Variants in PTPRD observed in about 807,000 individuals in gnomAD.
PTPRD encodes protein tyrosine phosphatase receptor type D.
Under a neutral mutation model 214.5 loss-of-function variants are expected in PTPRD, and 34 were observed. The ratio of observed to expected loss-of-function variants is 0.16; its 90% CI spans 0.12 to 0.21. The LOEUF is 0.21. Among genes scored for constraint, PTPRD ranks in the 10% least tolerant of loss-of-function variants. The pLI is 1.00. For synonymous variants in PTPRD, 1,128 were observed against 845.7 expected (o/e 1.33, Z -5.79); for missense variants, 2,545 against 2,398.7 (o/e 1.06, Z -1.27).
At chr9:9,524,854 T>C (rs1297136851) in intron 8 of PTPRD, among the ~76,000 whole-genome samples, 21 of 132,564 alleles carry the variant, frequency 1.6e-4, no homozygotes, top group Non-Finnish European at 2.4e-4. Flanking sequence ...TGCTTGCTTG[T>C]TTGTTTGTTT....
intron 3 of PTPRD, among the ~76,000 whole-genome samples, chr9:10,177,321 G>C (rs1235245764): frequency 6.6e-6 from 1 of 151,620 alleles, no homozygotes; most frequent in African/African-American, 2.4e-5. Context: ...AATAAATCCA[G>C]AGTGGCACAG....
intron 8 of PTPRD, among the ~76,000 whole-genome samples, chr9:9,459,134 G>T (rs2093387446): frequency 6.6e-6 from 1 of 151,906 alleles, no homozygotes; most frequent in Admixed American, 6.6e-5. Context: ...CCATGGAATG[G>T]CCCCACAGGA....
chr9:10,470,173 T>C (rs1275692416), intron 2 of PTPRD, among the ~76,000 whole-genome samples: 1 of 152,114 alleles, frequency 6.6e-6, no homozygotes, highest in Non-Finnish European at 1.5e-5. Context: ...ATGTGCTAAA[T>C]ACCCACATTT....
chr9:10,159,049 C>G (rs1252634751), intron 3 of PTPRD, among the ~76,000 whole-genome samples: 2 of 152,094 alleles, frequency 1.3e-5, no homozygotes, highest in Non-Finnish European at 2.9e-5. Context: ...AGGAAGCCTT[C>G]TCACACTAAT....
intron 12 of PTPRD, among the ~76,000 whole-genome samples, chr9:8,725,578 C>T (rs186516314): frequency 1.3e-5 from 2 of 152,176 alleles, no homozygotes; most frequent in Admixed American, 6.5e-5. Context: ...AACAAAGATG[C>T]TTCTAATTTG....
intron 10 of PTPRD, among the ~76,000 whole-genome samples, chr9:9,036,509 C>A (rs1400813125): frequency 6.6e-6 from 1 of 151,960 alleles, no homozygotes; most frequent in African/African-American, 2.4e-5. Flanking sequence ...TTAAGAAAAT[C>A]TGAATAGAAT....
intron 2 of PTPRD, among the ~76,000 whole-genome samples, chr9:10,554,908 C>G (rs2062155193): frequency 6.6e-6 from 1 of 152,170 alleles, no homozygotes; most frequent in Non-Finnish European, 1.5e-5. Context: ...GATCCGCCCA[C>G]CTGGGCCTCC....
chr9:10,606,121 T>C (rs1238869271), intron 2 of PTPRD, among the ~76,000 whole-genome samples: 1 of 151,788 alleles, frequency 6.6e-6, no homozygotes, highest in Non-Finnish European at 1.5e-5. Context: ...TCCTTCTCAA[T>C]GGTTCCAGAT....
chr9:9,696,128 T>C (rs1420619586), intron 7 of PTPRD, among the ~76,000 whole-genome samples: 1 of 152,170 alleles, frequency 6.6e-6, no homozygotes, highest in Non-Finnish European at 1.5e-5. Flanking sequence ...TAGTAAGTTA[T>C]ATGTGCCCAT....
intron 3 of PTPRD, among the ~76,000 whole-genome samples, chr9:10,217,074 A>C (rs899680749): frequency 6.6e-5 from 10 of 151,984 alleles, no homozygotes; most frequent in African/African-American, 2.4e-4. Context: ...ATTCTCATTT[A>C]CTTGACTCTT....
At chr9:8,525,215 T>C in intron 17 of PTPRD, 180 bp from the exon 18 acceptor site, 1 of 722,702 alleles carries the variant, frequency 1.4e-6, no homozygotes, top group South Asian at 1.5e-5. Context: ...CATATAGAGA[T>C]TATTTTTTTT....
intron 14 of PTPRD, among the ~76,000 whole-genome samples, chr9:8,600,184 G>A (rs966559755): frequency 1.3e-5 from 2 of 152,148 alleles, no homozygotes; most frequent in South Asian, 4.1e-4. Context: ...GTATTCAGCC[G>A]ACACCTGCCC....
chr9:10,208,378 G>C (rs370140), intron 3 of PTPRD, among the ~76,000 whole-genome samples: 2 of 149,638 alleles, frequency 1.3e-5, no homozygotes, highest in African/African-American at 4.9e-5. Flanking sequence ...GCCGGGCGTG[G>C]TGGCGGGCGC....
At chr9:8,730,482 A>C (rs2098645025) in intron 12 of PTPRD, among the ~76,000 whole-genome samples, 1 of 152,204 alleles carries the variant, frequency 6.6e-6, no homozygotes, top group African/African-American at 2.4e-5. Flanking sequence ...GTAAACATTC[A>C]GGTTTAATTA....
chr9:8,514,415 C>T (rs1457888506), intron 21 of PTPRD, among the ~76,000 whole-genome samples: 1 of 151,970 alleles, frequency 6.6e-6, no homozygotes, highest in Non-Finnish European at 1.5e-5. Context: ...GCTTATAAAA[C>T]TTAGAGCCAA....
intron 2 of PTPRD, among the ~76,000 whole-genome samples, chr9:10,449,667 G>T (rs1476182628): frequency 6.6e-6 from 1 of 151,750 alleles, no homozygotes; most frequent in South Asian, 2.1e-4. Flanking sequence ...GGGATGTGAG[G>T]AGCGCCTCTG....
intron 39 of PTPRD, among the ~76,000 whole-genome samples, chr9:8,360,802 A>AG (rs576371387): frequency 1.3e-5 from 2 of 152,116 alleles, no homozygotes; most frequent in Non-Finnish European, 2.9e-5. Flanking sequence ...AGAAATTCCA[A>AG]GGGGGGACAA....
At chr9:9,688,958 T>C (rs1177413821) in intron 7 of PTPRD, among the ~76,000 whole-genome samples, 2 of 151,856 alleles carry the variant, frequency 1.3e-5, no homozygotes, top group Non-Finnish European at 2.9e-5. Flanking sequence ...GATACATAGA[T>C]GTATACATAC....
At chr9:8,966,778 C>G (rs936299610) in intron 11 of PTPRD, among the ~76,000 whole-genome samples, 4 of 151,990 alleles carry the variant, frequency 2.6e-5, no homozygotes, top group African/African-American at 9.7e-5. Flanking sequence ...AACTAAAGAG[C>G]TTATGCACAG....
Sources: gnomAD v4.1 joint callset for allele counts (sites outside exome capture counted in the v4.1 genomes callset) on GRCh38, gnomAD v4.1.1 for gene constraint, MANE v1.5 for transcripts, NCBI Gene and HGNC (gene_info 2026-07-23, HGNC 2026-07-21) for gene names.